DCTN6: variants seen among roughly 807,000 people sequenced by gnomAD.
DCTN6 encodes the protein dynactin subunit 6, also known as dynactin 6.
DCTN6 carries 15 observed loss-of-function variants against 25.8 expected under a neutral mutation model. That is an observed-to-expected ratio of 0.58 (90% CI 0.39 to 0.89). The LOEUF (loss-of-function observed/expected upper bound fraction) is 0.89. DCTN6 is among the 40% of genes least tolerant of loss of function. The pLI, the probability that DCTN6 is intolerant of heterozygous loss-of-function variation, is 0.00. For synonymous variants in DCTN6, 64 were observed against 78.3 expected, an observed-to-expected ratio of 0.82 and a Z score of 0.96; for missense variants, 198 against 237.6, an observed-to-expected ratio of 0.83 and a Z score of 1.09.
At chr8:30,166,095 C>T (rs1223978652) in intron 2 of DCTN6, among the ~76,000 whole-genome samples, 1 of 152,078 alleles carries the variant, frequency 6.6e-6, no homozygotes, top group Non-Finnish European at 1.5e-5. Context: ...CATCATTTTA[C>T]TGCATTATAA....
intron 2 of DCTN6, among the ~76,000 whole-genome samples, chr8:30,173,463 G>A (rs1275058240): frequency 6.6e-6 from 1 of 152,108 alleles, no homozygotes; most frequent in Non-Finnish European, 1.5e-5. Flanking sequence ...TCATTAGGTG[G>A]GGCACAGTGG....
intron 6 of DCTN6, chr8:30,181,145 A>G (rs1392567613): frequency 6.5e-6 from 1 of 153,370 alleles, no homozygotes; most frequent in African/African-American, 2.4e-5. Context: ...GGTTAATATC[A>G]AAAATATATA....
intron 5 of DCTN6, among the ~76,000 whole-genome samples, chr8:30,179,736 C>A (rs1803888384): frequency 6.6e-6 from 1 of 152,154 alleles, no homozygotes; most frequent in South Asian, 2.1e-4. Flanking sequence ...ATACTAGTCT[C>A]TGAAATTTTA....
rs767694505 is a variant in DCTN6 at position 30,177,145 on chromosome 8, C to G, written c.214C>G (p.Pro72Ala). Residue 72 changes from proline (P) to alanine (A), a missense_variant, in exon 4 of 7, where the codon CCT (proline) becomes GCT (alanine). Transcript: ENST00000221114. ...TTACAGTTACCCAGATAATATCACTCCTGACACTGAAGATCCAGAACCAAA... is the reference window on the plus strand; with the variant it reads ...TTACAGTTACCCAGATAATATCACTGCTGACACTGAAGATCCAGAACCAAA... ...IINAYPDNIT[P>A]DTEDPEPKPM... 5 of 1,613,534 alleles carry G rather than the reference C, an allele frequency of 3.1e-6. No homozygotes were observed. The highest frequency in any genetic ancestry group is 4.2e-6 in the Non-Finnish European group (5 of 1,179,630).
At chr8:30,165,478 T>TC (rs1247799910) in intron 2 of DCTN6, among the ~76,000 whole-genome samples, 1 of 151,496 alleles carries the variant, frequency 6.6e-6, no homozygotes, top group Non-Finnish European at 1.5e-5. Flanking sequence ...ATTTTTTTTT[T>TC]CCAAAAAAAA....
chr8:30,165,466 T>A (rs1803652814), intron 2 of DCTN6, among the ~76,000 whole-genome samples: 1 of 151,218 alleles, frequency 6.6e-6, no homozygotes, highest in African/African-American at 2.4e-5. Flanking sequence ...CCCTGTAACG[T>A]CATTTTTTTT....
chr8:30,165,975 A>C (rs1367150897), intron 2 of DCTN6: 1 of 152,104 alleles, frequency 6.6e-6, no homozygotes, highest in Admixed American at 6.6e-5. Flanking sequence ...ACCACTTGCG[A>C]AGTGTTTATG....
chr8:30,176,254 G>A (rs1803829696), intron 3 of DCTN6, among the ~76,000 whole-genome samples: 1 of 152,232 alleles, frequency 6.6e-6, no homozygotes, highest in Admixed American at 6.5e-5. Context: ...AGTAGGCTGG[G>A]CGTGGTGCCT....
intron 1 of DCTN6, among the ~76,000 whole-genome samples, chr8:30,161,611 T>C (rs7836454): frequency 0.99 from 150,328 of 152,284 alleles, 74,229 homozygotes; most frequent in Middle Eastern, 1. Flanking sequence ...CTCTTCATGA[T>C]TTTTGTGCTT....
rs1803813689 is a variant in DCTN6, at chr8:30,175,133, G to A, written c.137G>A (p.Gly46Glu). 6.2e-7 allele frequency: 1 copy of A among 1,614,042 alleles called. No individual in the cohort carries two copies. Among genetic ancestry groups the A allele is most frequent in the Admixed American group, 1.7e-5 (1 of 59,996 alleles). Residue 46 changes from glycine to glutamate, a missense_variant, in exon 3 of 7, where the codon GGG becomes GAG. By Grantham distance (98) the Gly-to-Glu change is moderately conservative (BLOSUM62 -2). Transcript: ENST00000221114. ...HPKARIIAEAGPIVIGEGNLI... is the reference protein window; with the variant it reads ...HPKARIIAEAEPIVIGEGNLI... The stretch of plus-strand genomic sequence containing the variant: ...AAAGCAAGAATTATTGCGGAAGCCG[G>A]GCCAATAGTGATTGGCGAAGGGAAC...
intron 6 of DCTN6, among the ~76,000 whole-genome samples, 165 bp from the exon 7 acceptor site, chr8:30,182,910 C>T (rs924952213): frequency 6.6e-6 from 1 of 152,036 alleles, no homozygotes; most frequent in African/African-American, 2.4e-5. Flanking sequence ...GACAAGATCT[C>T]CCTATGTTGC....
intron 1 of DCTN6, among the ~76,000 whole-genome samples, chr8:30,158,802 GACGGAGTCTC>G (rs747432650): frequency 0.011 from 1,035 of 95,230 alleles, 19 homozygotes; most frequent in East Asian, 0.061. Context: ...TTTTTTTTGA[GACGGAGTCTC>G]ACTCTGTTGC....
chr8:30,157,583 A>G (rs1054340496), intron 1 of DCTN6, among the ~76,000 whole-genome samples: 3 of 152,204 alleles, frequency 2.0e-5, no homozygotes, highest in Non-Finnish European at 2.9e-5. Flanking sequence ...CCAATAGTGT[A>G]TAAGCTTAGA....
intron 1 of DCTN6, among the ~76,000 whole-genome samples, chr8:30,157,089 C>T (rs1022231745): frequency 6.6e-6 from 1 of 152,142 alleles, no homozygotes; most frequent in Non-Finnish European, 1.5e-5. Context: ...GCCCTCAAAC[C>T]CCTCCTACCC....
intron 4 of DCTN6, 48 bp downstream of exon 4, chr8:30,177,262 G>A (rs370872066): frequency 1.1e-5 from 16 of 1,469,550 alleles, no homozygotes; most frequent in Non-Finnish European, 1.5e-5. Context: ...CTCTCCTTTA[G>A]TACCTAAGTC....
At chr8:30,168,752 G>A (rs999801568) in intron 2 of DCTN6, among the ~76,000 whole-genome samples, 2 of 152,156 alleles carry the variant, frequency 1.3e-5, no homozygotes, top group African/African-American at 4.8e-5. Flanking sequence ...TTGGAAGTAT[G>A]GTCCTTAACC....
chr8:30,173,745 A>ACAAAC (rs1314692280), intron 2 of DCTN6, among the ~76,000 whole-genome samples: 2 of 151,192 alleles, frequency 1.3e-5, no homozygotes, highest in East Asian at 1.9e-4. Context: ...AAAAAAAAAA[A>ACAAAC]AAAAAAAAAC....
chr8:30,171,250 C>CT (rs11347199), intron 2 of DCTN6, among the ~76,000 whole-genome samples: 16 of 149,400 alleles, frequency 1.1e-4, no homozygotes, highest in Middle Eastern at 6.9e-3. Flanking sequence ...TTCCTCCTAT[C>CT]TTTTTTTTTT....
chr8:30,180,614 A>G lies in DCTN6; in HGVS notation c.458A>G (p.Gln153Arg). Residue 153 changes from glutamine to arginine, a missense_variant, in exon 6 of 7, where the codon CAG becomes CGG. Coordinates refer to ENST00000221114, the MANE Select transcript of DCTN6 (RefSeq NM_006571.4). Reference sequence around the variant, plus strand: ...GGTGCAGACTGCCTTCGTCGGGTGCAGACTGAGCGACCGCAGGTACTAGAA... The same window carrying G: ...GGTGCAGACTGCCTTCGTCGGGTGCGGACTGAGCGACCGCAGGTACTAGAA... ...IYGADCLRRV[Q>R]TERPQPQTLQ... 6.2e-7 allele frequency: 1 copy of G among 1,614,152 alleles called. No individual in the cohort carries two copies. The highest frequency in any genetic ancestry group is 8.5e-7 in the Non-Finnish European group (1 of 1,180,016).
Sources: allele counts gnomAD v4.1 joint callset (sites outside exome capture counted in the v4.1 genomes callset), GRCh38; gene constraint gnomAD v4.1.1; transcripts MANE v1.5; gene names NCBI Gene and HGNC (gene_info 2026-07-23, HGNC 2026-07-21).